The following BRD4 variants were observed in gnomAD, a reference collection of about 807,000 sequenced individuals.
BRD4 encodes bromodomain-containing protein 4.
A neutral mutation model predicts 142.1 loss-of-function variants in BRD4; 16 were observed. The ratio of observed to expected loss-of-function variants is 0.11; its 90% CI spans 0.08 to 0.17. BRD4 has a LOEUF of 0.17. Among genes scored for constraint, BRD4 ranks in the 10% least tolerant of loss-of-function variants. BRD4 has a pLI of 1.00. For synonymous variants in BRD4, 833 were observed against 707.5 expected, an observed-to-expected ratio of 1.18 and a Z score of -2.82; for missense variants, 1,424 against 1,810.9, an observed-to-expected ratio of 0.79 and a Z score of 3.88.
chr19:15,318,818 A>G (rs763493114), intron 1 of BRD4, among the ~76,000 whole-genome samples: 4 of 152,236 alleles, frequency 2.6e-5, no homozygotes, highest in Non-Finnish European at 5.9e-5. Context: ...GGCCTTTGCA[A>G]CAGACCCATT....
intron 1 of BRD4, among the ~76,000 whole-genome samples, chr19:15,302,668 C>CAAA (rs572714842): frequency 8.8e-5 from 5 of 56,788 alleles, no homozygotes; most frequent in Admixed American, 3.1e-4. Flanking sequence ...GACTCCGACT[C>CAAA]AAAAAAAAAA....
chr19:15,242,997 T>TGGGGGCGGATGGGGGGGCTGCTGGCCC lies in BRD4; in HGVS notation c.3045_3071dup (p.His1021_Pro1029dup). The TGGGGGCGGATGGGGGGGCTGCTGGCCC allele has an allele frequency of 4.8e-6, 1 of 207,160 alleles. No homozygotes were observed. The highest frequency in any genetic ancestry group is 7.4e-6 in the Non-Finnish European group (1 of 135,776). The allele number at this position is 207,160 out of a possible 1,614,324, so 12.8% of individuals were successfully genotyped here. On this transcript the variant is annotated inframe_insertion, in exon 14 of 20. Transcript: ENST00000679869. ...GCTGCGGCGGGGGTGGCTGCTGGCCTGGGGGCGGATGGGGGGGCTGCTGGC... is the reference window on the plus strand; with the variant it reads ...GCTGCGGCGGGGGTGGCTGCTGGCCTGGGGGCGGATGGGGGGGCTGCTGGCCCGGGGGCGGATGGGGGGGCTGCTGGC...
At chr19:15,308,769 A>T (rs1291028693) in intron 1 of BRD4, among the ~76,000 whole-genome samples, 2 of 152,102 alleles carry the variant, frequency 1.3e-5, no homozygotes, top group Admixed American at 1.3e-4. Context: ...TAATACCAGC[A>T]CTTTGGGAGG....
At chr19:15,308,287 G>A (rs1428824113) in intron 1 of BRD4, among the ~76,000 whole-genome samples, 2 of 147,924 alleles carry the variant, frequency 1.4e-5, no homozygotes, top group Non-Finnish European at 1.5e-5. Context: ...TGGAGACCTC[G>A]TCTCTTAAAA....
rs1354687065 is a variant in BRD4, at chr19:15,249,929, A to AG, written c.2158+4222dup. ...CCTATTATATACACTGTTGAGGAGG[A>AG]GAAAAAAAAGAAAAAGAAACAGGCT... On this transcript the variant is annotated intron_variant, in intron 11 of 19. Coordinates refer to ENST00000679869, the MANE Select transcript of BRD4 (RefSeq NM_001379291.1). Among the ~76,000 whole-genome samples, 5 of 152,306 alleles carry AG rather than the reference A, an allele frequency of 3.3e-5. No individual in the cohort carries two copies. The East Asian group carries it at 7.7e-4, about 24-fold the overall frequency.
chr19:15,237,258 G>C lies in BRD4; in HGVS notation c.*1119C>G, dbSNP rs1362012436. ...CCAACAAATGGGTGGGGGGGGGGGG[G>C]GTGGAGGGGAAAGAAAAGAAATTGT... On this transcript the variant is annotated 3_prime_UTR_variant, in exon 20 of 20. Coordinates refer to ENST00000679869, the MANE Select transcript of BRD4 (RefSeq NM_001379291.1). The C allele has an allele frequency of 1.0e-3, 108 of 106,630 alleles. No homozygotes were observed. Among genetic ancestry groups the C allele is most frequent in the African/African-American group, 2.7e-3 (63 of 23,016 alleles). 6.6% of individuals were successfully genotyped at this position (106,630 alleles called of 1,614,324 possible).
At chr19:15,272,100 G>A (rs2047594344) in intron 2 of BRD4, among the ~76,000 whole-genome samples, 1 of 152,176 alleles carries the variant, frequency 6.6e-6, no homozygotes, top group Non-Finnish European at 1.5e-5. Context: ...TATTCCATCT[G>A]CTCCCTGAGG....
At chr19:15,244,938 C>A (rs550335942) in intron 11 of BRD4, 176 bp from the exon 12 acceptor site, 70 of 1,146,436 alleles carry the variant, frequency 6.1e-5, no homozygotes, top group South Asian at 1.1e-4. Context: ...GAGAGACATG[C>A]GAGGCATCAC....
chr19:15,324,846 T>C (rs2048093910), intron 1 of BRD4, among the ~76,000 whole-genome samples: 1 of 152,150 alleles, frequency 6.6e-6, no homozygotes, highest in South Asian at 2.1e-4. Flanking sequence ...GCACCTCCAC[T>C]AATCCCATTA....
rs1032745784 is a variant in BRD4, at chr19:15,311,292, A to C, written c.-35+20998T>G. Among the ~76,000 whole-genome samples, 9 of 148,968 alleles carry C rather than the reference A, an allele frequency of 6.0e-5. 1 individual carries two copies. In the South Asian group the frequency reaches 6.4e-4, roughly 11 times the overall value. ...GGGCAACAGAGCGAAACTCTGTCTC[A>C]AAAAAAAACAAAAAAACAAAAAACA... On this transcript the variant is annotated intron_variant, in intron 1 of 19. Transcript: ENST00000679869.
At chr19:15,309,338 C>CAA (rs59956347) in intron 1 of BRD4, among the ~76,000 whole-genome samples, 14,132 of 72,746 alleles carry the variant, frequency 0.19, 1,096 homozygotes, top group Non-Finnish European at 0.24. Context: ...ACTCCACCTC[C>CAA]AAAAAAAAAA....
chr19:15,306,015 C>T (rs988675619), intron 1 of BRD4, among the ~76,000 whole-genome samples: 20 of 152,248 alleles, frequency 1.3e-4, no homozygotes, highest in African/African-American at 4.8e-4. Context: ...TCACCTCTTT[C>T]AGCCTCCAAA....
intron 1 of BRD4, among the ~76,000 whole-genome samples, chr19:15,278,486 G>T (rs912325383): frequency 1.5e-5 from 2 of 135,754 alleles, no homozygotes; most frequent in African/African-American, 5.5e-5. Context: ...AGTGAGCAGA[G>T]ATTGTGCCAC....
chr19:15,272,945 T>C lies in BRD4; in HGVS notation c.155A>G (p.Asn52Ser), dbSNP rs202100137. 5 of 1,614,078 alleles carry C rather than the reference T, an allele frequency of 3.1e-6. No individual in the cohort carries two copies. Among genetic ancestry groups the C allele is most frequent in the Non-Finnish European group, 4.2e-6 (5 of 1,180,008 alleles). The part of the protein sequence containing the change: ...STNPPPPETS[N>S]PNKPKRQTNQ... ...GGTCTGCCTCTTGGGCTTGTTAGGG[T>C]TGGAGGTCTCTGGGGGCGGGGGGTT... Residue 52 changes from asparagine to serine, a missense_variant, in exon 2 of 20, where the codon AAC (asparagine) becomes AGC (serine). Physicochemically the swap from Asn to Ser is conservative, Grantham distance 46. Around this residue, in one of 16 missense-constraint regions of BRD4, gnomAD observed 70 missense variants for 69.8 expected, o/e 1.00. Transcript: ENST00000679869.
At chr19:15,315,209 T>C (rs1412506490) in intron 1 of BRD4, among the ~76,000 whole-genome samples, 1 of 152,070 alleles carries the variant, frequency 6.6e-6, no homozygotes, top group Non-Finnish European at 1.5e-5. Flanking sequence ...TGAGATCACG[T>C]GTCATTTTAC....
intron 1 of BRD4, among the ~76,000 whole-genome samples, chr19:15,290,141 T>C (rs1264568380): frequency 6.6e-6 from 1 of 151,950 alleles, no homozygotes; most frequent in African/African-American, 2.4e-5. Flanking sequence ...GAAAATGAAA[T>C]CCCTAAGGAC....
At chr19:15,322,555 A>AC (rs200736715) in intron 1 of BRD4, among the ~76,000 whole-genome samples, 5,396 of 93,566 alleles carry the variant, frequency 0.058, 268 homozygotes, top group African/African-American at 0.19. Context: ...TAAAACATAC[A>AC]AAAAAAAAAA....
chr19:15,312,674 A>G (rs1348043928), intron 1 of BRD4, among the ~76,000 whole-genome samples: 2 of 151,686 alleles, frequency 1.3e-5, no homozygotes, highest in Non-Finnish European at 2.9e-5. Flanking sequence ...GGTGGCTCAC[A>G]TCTGCAATCC....
intron 11 of BRD4, 116 bp downstream of exon 11, chr19:15,254,036 C>A: frequency 1.2e-6 from 1 of 866,506 alleles, no homozygotes; most frequent in East Asian, 2.6e-5. Flanking sequence ...CAGAGGAACC[C>A]AGCAAGTTCT....
Sources: gnomAD v4.1 joint callset for allele counts (sites outside exome capture counted in the v4.1 genomes callset) on GRCh38, gnomAD v4.1.1 for gene constraint, gnomAD v4.1.1 regional missense constraint, MANE v1.5 for transcripts, NCBI Gene and HGNC (gene_info 2026-07-23, HGNC 2026-07-21) for gene names.